The following ARRDC5 variants were observed in gnomAD, a reference collection of about 807,000 sequenced individuals.
ARRDC5 encodes arrestin domain-containing protein 5.
A neutral mutation model predicts 13.3 loss-of-function variants in ARRDC5; 12 were observed. That is an observed-to-expected ratio of 0.90 (90% CI 0.58 to 1.46). The LOEUF is 1.46. Among genes scored for constraint, ARRDC5 ranks in the 40% most tolerant of loss-of-function variants. The pLI is 0.00. For synonymous variants in ARRDC5, 181 were observed against 173.4 expected (o/e 1.04, Z -0.34); for missense variants, 406 against 418.7 (o/e 0.97, Z 0.26).
the ARRDC5 span, chr19:4,910,830 A>C: frequency 6.4e-7 from 1 of 1,557,970 alleles, no homozygotes; most frequent in Non-Finnish European, 8.7e-7. Context: ...CATGGCTCAG[A>C]GGTGCTGGTA....
intron 2 of ARRDC5, among the ~76,000 whole-genome samples, chr19:4,895,933 T>C (rs1226328952): frequency 6.6e-6 from 1 of 152,162 alleles, no homozygotes; most frequent in African/African-American, 2.4e-5. Context: ...ACCACAGATG[T>C]CTCCAGACAT....
At chr19:4,904,751 TG>T, upstream of ARRDC5, among the ~76,000 whole-genome samples, 1 of 152,270 alleles carries the variant, frequency 6.6e-6, no homozygotes, top group East Asian at 1.9e-4. Context: ...GGAGTGGGTG[TG>T]GGGGGTGGAA....
chr19:4,914,898 T>C, the ARRDC5 span, among the ~76,000 whole-genome samples: 2 of 152,072 alleles, frequency 1.3e-5, no homozygotes, highest in Non-Finnish European at 2.9e-5. Context: ...AGGCTCACAA[T>C]GAAAGCGAAA....
In ARRDC5 at chr19:4,896,692, G is replaced by A. The variant is rs772080867; in HGVS notation, c.438C>T (p.Phe146=). 5 of 1,612,962 alleles carry A rather than the reference G, an allele frequency of 3.1e-6. No individual in the cohort carries two copies. In the African/African-American group the frequency reaches 4.0e-5, roughly 13 times the overall value. The change falls in exon 2 of 3, where the codon TTC becomes TTT. Residue 146 remains phenylalanine (F), a synonymous_variant. Transcript: ENST00000650722. ...GTACCTGGAATGGGGTTTCTTTGTG[G>A]AAGGTGGAAGTTCCTTGAACCAATA... The part of the protein sequence containing the change: ...MYLLVQGTST[F]HKETPFQNPL...
the ARRDC5 span, among the ~76,000 whole-genome samples, chr19:4,914,961 C>T: frequency 2.1e-3 from 318 of 152,312 alleles, no homozygotes; most frequent in African/African-American, 7.1e-3. Flanking sequence ...TGTTTGGGGC[C>T]AGGTCATCCT....
chr19:4,908,883 C>G, the ARRDC5 span, among the ~76,000 whole-genome samples: 1 of 152,114 alleles, frequency 6.6e-6, no homozygotes, highest in Non-Finnish European at 1.5e-5. Flanking sequence ...CTCCTGTGCC[C>G]GCCAGGACTG....
the ARRDC5 span, chr19:4,909,682 C>A: frequency 2.0e-6 from 1 of 512,314 alleles, no homozygotes; most frequent in South Asian, 2.6e-5. Flanking sequence ...GGTCGGGGTG[C>A]CAGCCCGGGC....
chr19:4,901,483 G>A (rs1244134301), intron 1 of ARRDC5, among the ~76,000 whole-genome samples: 6 of 151,236 alleles, frequency 4.0e-5, no homozygotes, highest in East Asian at 2.0e-4. Flanking sequence ...GCATGGTGGC[G>A]GGTGCCTGTA....
chr19:4,896,328 AAATAT>A lies in ARRDC5; in HGVS notation c.459+338_459+342del, dbSNP rs1315888727. Among the ~76,000 whole-genome samples, 17 of 60,910 alleles carry A rather than the reference AAATAT, an allele frequency of 2.8e-4. 1 individual carries two copies. Among genetic ancestry groups the A allele is most frequent in the African/African-American group, 3.8e-4 (4 of 10,392 alleles). 40.0% of individuals were successfully genotyped at this position (60,910 alleles called of 152,430 possible). ...GACTGCATCTCAAAAAAAAAAAAAA[AAATAT>A]ATATATATATATATATTTTTTTTTT... is the stretch of plus-strand genomic sequence containing the variant. On this transcript the variant is annotated intron_variant, in intron 2 of 2. Coordinates refer to ENST00000650722, the MANE Select transcript of ARRDC5 (RefSeq NM_001080523.3).
At position 4,896,693 on chromosome 19, in the gene ARRDC5, A is replaced by T. The variant is rs1256489173; in HGVS notation, c.437T>A (p.Phe146Tyr). Residue 146 changes from phenylalanine to tyrosine, a missense_variant, in exon 2 of 3, where the codon TTC (phenylalanine) becomes TAC (tyrosine). Transcript: ENST00000650722. ...MYLLVQGTSTFHKETPFQNPL... is the reference protein window; with the variant it reads ...MYLLVQGTSTYHKETPFQNPL... ...TACCTGGAATGGGGTTTCTTTGTGGAAGGTGGAAGTTCCTTGAACCAATAA... is the reference window on the plus strand; with the variant it reads ...TACCTGGAATGGGGTTTCTTTGTGGTAGGTGGAAGTTCCTTGAACCAATAA... 6.2e-7 allele frequency: 1 copy of T among 1,613,006 alleles called. No individual in the cohort carries two copies. Among genetic ancestry groups the T allele is most frequent in the Non-Finnish European group, 8.5e-7 (1 of 1,179,304 alleles).
chr19:4,895,556 G>A (rs908431412), intron 2 of ARRDC5, among the ~76,000 whole-genome samples: 13 of 151,666 alleles, frequency 8.6e-5, no homozygotes, highest in African/African-American at 2.4e-4. Flanking sequence ...TTTGGCCAAC[G>A]TCCCTCCTCC....
chr19:4,891,264 A>G lies in ARRDC5; in HGVS notation c.769T>C (p.Phe257Leu). The G allele has an allele frequency of 6.2e-7, 1 of 1,613,856 alleles. No individual in the cohort carries two copies. Among genetic ancestry groups the G allele is most frequent in the Non-Finnish European group, 8.5e-7 (1 of 1,179,868 alleles). ...ACGGACAGCAGCAACGGCAGGTTGA[A>G]GGTGCTGACAACCTTGGTGGTGTTG... ...RFNTTKVVST[F>L]NLPLLLSVSS... Residue 257 changes from phenylalanine (F) to leucine (L), a missense_variant, in exon 3 of 3, where the codon TTC becomes CTC. Phe to Leu is a conservative substitution (Grantham distance 22, BLOSUM62 0). Transcript: ENST00000650722.
chr19:4,890,968 G>T lies in ARRDC5; in HGVS notation c.*78C>A. On this transcript the variant is annotated 3_prime_UTR_variant, in exon 3 of 3. Coordinates refer to ENST00000650722, the MANE Select transcript of ARRDC5 (RefSeq NM_001080523.3). ...CTGTTGCCCACTCCTCGACTCCTCT[G>T]AGAGTCACCTGTGCAAGAGAGAGGG... The T allele has an allele frequency of 7.8e-7, 1 of 1,289,418 alleles. No homozygotes were observed. The highest frequency in any genetic ancestry group is 1.1e-6 in the Non-Finnish European group (1 of 938,110). 79.9% of individuals were successfully genotyped at this position (1,289,418 alleles called of 1,614,324 possible).
chr19:4,910,524 C>CAATG, the ARRDC5 span: 2 of 203,200 alleles, frequency 9.8e-6, no homozygotes, highest in African/African-American at 4.6e-5. Context: ...ATGAATGAAT[C>CAATG]AATGAATGAA....
the ARRDC5 span, among the ~76,000 whole-genome samples, chr19:4,916,394 C>T: frequency 9.9e-5 from 15 of 152,218 alleles, no homozygotes; most frequent in South Asian, 4.1e-4. Context: ...GTCAACATGG[C>T]GGAGCCGTCC....
rs368428633 is a variant in ARRDC5 at position 4,891,164 on chromosome 19, G to C, written c.869C>G (p.Ser290Cys). 1.5e-5 allele frequency: 25 copies of C among 1,613,868 alleles called. No individual in the cohort carries two copies. The East Asian group carries it at 2.2e-4, about 14-fold the overall frequency. The change falls in exon 3 of 3, where the codon TCC (serine) becomes TGC (cysteine). Residue 290 changes from serine (S) to cysteine (C), a missense_variant. Physicochemically the swap from Ser to Cys is moderately radical, Grantham distance 112. Coordinates refer to ENST00000650722, the MANE Select transcript of ARRDC5 (RefSeq NM_001080523.3). ...ELVTTVHLPW[S>C]LTSLKAKVPI... ...AACTTTGGCCTTGAGGCTGGTCAGG[G>C]ACCAGGGCAGGTGCACGGTGGTGAC...
the ARRDC5 span, among the ~76,000 whole-genome samples, chr19:4,916,087 C>T: frequency 4.6e-5 from 7 of 151,944 alleles, no homozygotes; most frequent in African/African-American, 1.5e-4. Flanking sequence ...AGGCGAGGAT[C>T]GCTTGAGGTT....
chr19:4,904,458 C>T (rs887750405), upstream of ARRDC5, among the ~76,000 whole-genome samples: 4 of 152,144 alleles, frequency 2.6e-5, no homozygotes, highest in East Asian at 1.9e-4. Flanking sequence ...GGATTACAGG[C>T]GTGAGCCACC....
the ARRDC5 span, among the ~76,000 whole-genome samples, chr19:4,915,198 C>T: frequency 1.3e-5 from 2 of 152,348 alleles, no homozygotes; most frequent in East Asian, 3.9e-4. Context: ...CAGGTGTCCC[C>T]ACTGGACGGC....
Sources: allele counts gnomAD v4.1 joint callset (sites outside exome capture counted in the v4.1 genomes callset), GRCh38; gene constraint gnomAD v4.1.1; transcripts MANE v1.5; gene names NCBI Gene and HGNC (gene_info 2026-07-23, HGNC 2026-07-21).